Variants in STK40 observed in about 807,000 individuals in gnomAD.
STK40 encodes serine/threonine-protein kinase 40.
A neutral mutation model predicts 47.9 loss-of-function variants in STK40; 13 were observed. The ratio of observed to expected loss-of-function variants is 0.27; its 90% CI spans 0.18 to 0.43. The LOEUF is 0.43. Among genes scored for constraint, STK40 ranks in the 20% least tolerant of loss-of-function variants. STK40 has a pLI of 1.00. For synonymous variants in STK40, 225 were observed against 243.2 expected, an observed-to-expected ratio of 0.93 and a Z score of 0.69; for missense variants, 460 against 595.1, an observed-to-expected ratio of 0.77 and a Z score of 2.36.
At chr1:36,363,845 C>T (rs1307636033) in intron 1 of STK40, among the ~76,000 whole-genome samples, 4 of 142,256 alleles carry the variant, frequency 2.8e-5, no homozygotes, top group African/African-American at 7.9e-5. Context: ...TTAATAGTCA[C>T]GCACATACAA....
chr1:36,368,985 G>A lies in STK40; in HGVS notation c.-8-7645C>T, dbSNP rs968678947. On this transcript the variant is annotated intron_variant, in intron 1 of 10. Coordinates refer to ENST00000373132, the MANE Select transcript of STK40 (RefSeq NM_001282547.2). The stretch of plus-strand genomic sequence containing the variant: ...GCAGAGGAGAAAATCCAGCCTGCTC[G>A]AATAGCTCCCAAGACCTGATTCACA... 3.9e-5 allele frequency among the ~76,000 whole-genome samples: 6 copies of A among 152,138 alleles called. No homozygotes were observed. The South Asian group carries it at 1.0e-3, about 26-fold the overall frequency.
chr1:36,361,161 C>T, intron 2 of STK40, 60 bp downstream of exon 2: 2 of 1,592,932 alleles, frequency 1.3e-6, no homozygotes, highest in Non-Finnish European at 1.7e-6. Flanking sequence ...ATCATGCGAG[C>T]CAATGTGCCC....
At chr1:36,353,245 G>C (rs944499628) in intron 6 of STK40, among the ~76,000 whole-genome samples, 2 of 152,222 alleles carry the variant, frequency 1.3e-5, no homozygotes, top group African/African-American at 4.8e-5. Flanking sequence ...GAAATAATGG[G>C]TGGGGGCGGA....
intron 1 of STK40, among the ~76,000 whole-genome samples, chr1:36,383,492 C>T (rs1360498750): frequency 6.6e-6 from 1 of 152,250 alleles, no homozygotes; most frequent in African/African-American, 2.4e-5. Context: ...GGTGCTTCCT[C>T]AGCAAAGATC....
At chr1:36,344,065 G>A in intron 8 of STK40, 55 bp downstream of exon 8, 1 of 1,597,114 alleles carries the variant, frequency 6.3e-7, no homozygotes, top group Non-Finnish European at 8.5e-7. Context: ...CCGTTTCCCT[G>A]CCTTAAGCCC....
chr1:36,344,409 C>T (rs1156477818), intron 7 of STK40, 145 bp from the exon 8 acceptor site: 8 of 1,085,482 alleles, frequency 7.4e-6, no homozygotes, highest in African/African-American at 3.2e-5. Flanking sequence ...CCGTGCTCCC[C>T]GCTCCCCTGT....
intron 5 of STK40, among the ~76,000 whole-genome samples, chr1:36,354,685 G>A (rs1181218584): frequency 6.6e-6 from 1 of 152,144 alleles, no homozygotes; most frequent in East Asian, 1.9e-4. Context: ...GTGGCTGGTG[G>A]CGAAAGTCAC....
chr1:36,356,946 T>C (rs944017587), intron 4 of STK40, among the ~76,000 whole-genome samples: 2 of 152,232 alleles, frequency 1.3e-5, no homozygotes, highest in African/African-American at 4.8e-5. Flanking sequence ...ACTCTAATTT[T>C]TGGAGTTGCC....
At chr1:36,365,008 T>TG (rs1646889165) in intron 1 of STK40, among the ~76,000 whole-genome samples, 1 of 149,690 alleles carries the variant, frequency 6.7e-6, no homozygotes, top group African/African-American at 2.5e-5. Flanking sequence ...TTTTTTTTTT[T>TG]GAGACGGAGT....
At chr1:36,358,945 C>A in intron 2 of STK40, 123 bp from the exon 3 acceptor site, 1 of 1,044,824 alleles carries the variant, frequency 9.6e-7, no homozygotes, top group Non-Finnish European at 1.4e-6. Context: ...GTGTACTGGA[C>A]TGACCCTCCA....
intron 4 of STK40, among the ~76,000 whole-genome samples, chr1:36,357,814 A>G (rs1250960191): frequency 2.6e-5 from 4 of 151,912 alleles, no homozygotes; most frequent in South Asian, 4.2e-4. Flanking sequence ...ACGGGGTTTC[A>G]CCTTGTTGGC....
At chr1:36,352,329 A>G (rs1008957832) in intron 6 of STK40, among the ~76,000 whole-genome samples, 5 of 152,148 alleles carry the variant, frequency 3.3e-5, no homozygotes, top group South Asian at 2.1e-4. Context: ...AAACCCCATC[A>G]TATTACGCAG....
intron 1 of STK40, among the ~76,000 whole-genome samples, chr1:36,384,908 C>G (rs1450400108): frequency 2.0e-5 from 3 of 152,220 alleles, no homozygotes; most frequent in Admixed American, 6.5e-5. Flanking sequence ...CCCTCTTCCC[C>G]ACTGGTTCTC....
intron 1 of STK40, among the ~76,000 whole-genome samples, chr1:36,373,358 G>T (rs989332764): frequency 1.3e-5 from 2 of 152,154 alleles, no homozygotes; most frequent in African/African-American, 4.8e-5. Context: ...CATTCCCAGT[G>T]TTTCCCAGAT....
chr1:36,373,868 C>A (rs1401444719), intron 1 of STK40, among the ~76,000 whole-genome samples: 2 of 152,262 alleles, frequency 1.3e-5, no homozygotes, highest in Non-Finnish European at 2.9e-5. Flanking sequence ...CTGCTTCTAA[C>A]CAGAGCTCTC....
intron 1 of STK40, among the ~76,000 whole-genome samples, chr1:36,361,857 A>G (rs570863721): frequency 6.6e-6 from 1 of 152,254 alleles, no homozygotes; most frequent in South Asian, 2.1e-4. Flanking sequence ...TTGTTACACG[A>G]GGCCTGGGGG....
At chr1:36,372,845 C>T (rs1253194564) in intron 1 of STK40, 2 of 152,268 alleles carry the variant, frequency 1.3e-5, no homozygotes, top group Non-Finnish European at 2.9e-5. Context: ...CAGCATCCCC[C>T]ACCCTTCCCT....
At chr1:36,367,784 C>G (rs948691062) in intron 1 of STK40, 1 of 985,348 alleles carries the variant, frequency 1.0e-6, no homozygotes. Context: ...GAGGGTCCCC[C>G]ACTCTACACT....
intron 1 of STK40, among the ~76,000 whole-genome samples, chr1:36,380,862 C>T (rs1647034236): frequency 6.6e-6 from 1 of 152,196 alleles, no homozygotes; most frequent in South Asian, 2.1e-4. Context: ...GTCTACAAGA[C>T]CTTCCAACTG....
Sources: gnomAD v4.1 joint callset for allele counts (sites outside exome capture counted in the v4.1 genomes callset) on GRCh38, gnomAD v4.1.1 for gene constraint, MANE v1.5 for transcripts, NCBI Gene and HGNC (gene_info 2026-07-23, HGNC 2026-07-21) for gene names.